Variants in RNF216 observed in about 807,000 individuals in gnomAD.
RNF216 encodes ring finger protein 216, also known as E3 ubiquitin-protein ligase RNF216.
RNF216 carries 72 observed loss-of-function variants against 110.8 expected under a neutral mutation model. The observed-to-expected ratio is 0.65, with a 90% confidence interval of 0.54 to 0.79. The LOEUF is 0.79. Ranked by LOEUF, RNF216 falls within the 30% of genes least tolerant of loss-of-function variation. RNF216 has a pLI of 0.00. For synonymous variants in RNF216, 495 were observed against 407.5 expected, an observed-to-expected ratio of 1.21 and a Z score of -2.59; for missense variants, 1,342 against 1,141.2, an observed-to-expected ratio of 1.18 and a Z score of -2.54.
chr7:5,642,217 G>T (rs6961803), intron 14 of RNF216, among the ~76,000 whole-genome samples: 2,584 of 141,006 alleles, frequency 0.018, 53 homozygotes, highest in African/African-American at 0.06. Context: ...GTTCTGTTTT[G>T]TTTTTTTTTT....
chr7:5,767,140 CTCT>C (rs1242835224), intron 1 of RNF216, among the ~76,000 whole-genome samples: 11 of 152,190 alleles, frequency 7.2e-5, no homozygotes, highest in Non-Finnish European at 1.2e-4. Context: ...AACCCTTTGC[CTCT>C]TCTTATAAAT....
chr7:5,645,703 G>C (rs1788009853), intron 14 of RNF216, among the ~76,000 whole-genome samples: 1 of 151,822 alleles, frequency 6.6e-6, no homozygotes, highest in South Asian at 2.1e-4. Context: ...TGATTCTCCT[G>C]CTTCAGCCTT....
At chr7:5,671,885 C>T (rs1453510584) in intron 13 of RNF216, among the ~76,000 whole-genome samples, 1 of 150,346 alleles carries the variant, frequency 6.7e-6, no homozygotes, top group Non-Finnish European at 1.5e-5. Context: ...GGACACAGCA[C>T]GAAGACAGTC....
At chr7:5,691,908 A>G (rs1028132278) in intron 13 of RNF216, among the ~76,000 whole-genome samples, 16 of 152,270 alleles carry the variant, frequency 1.1e-4, no homozygotes, top group Admixed American at 9.2e-4. Flanking sequence ...AGTCAAGACA[A>G]GTAATGAAAG....
intron 3 of RNF216, among the ~76,000 whole-genome samples, chr7:5,748,647 CACACACACACAT>C (rs1188633527): frequency 6.8e-4 from 99 of 144,894 alleles, no homozygotes; most frequent in African/African-American, 2.5e-3. Flanking sequence ...CACACACACA[CACACACACACAT>C]AATATACTAA....
At chr7:5,676,532 TCA>T (rs1221757936) in intron 13 of RNF216, among the ~76,000 whole-genome samples, 1 of 152,122 alleles carries the variant, frequency 6.6e-6, no homozygotes, top group African/African-American at 2.4e-5. Flanking sequence ...CTCTGCTTCC[TCA>T]CAGTCTCCCG....
intron 1 of RNF216, among the ~76,000 whole-genome samples, chr7:5,771,581 G>C (rs1796496499): frequency 6.6e-6 from 1 of 152,146 alleles, no homozygotes; most frequent in South Asian, 2.1e-4. Flanking sequence ...CAGATCACTT[G>C]AGCTCAGGAG....
rs150648973 is a variant in RNF216 at position 5,677,967 on chromosome 7, C to T, written c.2062-25457G>A. On this transcript the variant is annotated intron_variant, in intron 13 of 16. Coordinates refer to ENST00000389902, the MANE Select transcript of RNF216 (RefSeq NM_207111.4). ...CACACTCTTAACTGGAGCAGTAAGA[C>T]CACAGTGATCTTTCCAGGGGGTAAC... Among the ~76,000 whole-genome samples the T allele has an allele frequency of 7.0e-3, 1,067 of 152,258 alleles. 10 individuals are homozygous for T. The highest frequency in any genetic ancestry group is 0.014 in the Middle Eastern group (4 of 294).
At position 5,777,397 on chromosome 7, in the gene RNF216, C is replaced by T. The variant is rs182746923; in HGVS notation, c.-70+4144G>A. 2.0e-5 allele frequency: 3 copies of T among 152,344 alleles called. No individual in the cohort carries two copies. In the East Asian group the frequency reaches 5.8e-4, roughly 29 times the overall value. 9.4% of individuals were successfully genotyped at this position (152,344 alleles called of 1,614,324 possible). Reference sequence around the variant, plus strand: ...TAGCCAATGGGAAGCAATGCAATGACAGCTGTGCTTTAGAAAAATCAACCT... The same window carrying T: ...TAGCCAATGGGAAGCAATGCAATGATAGCTGTGCTTTAGAAAAATCAACCT... On this transcript the variant is annotated intron_variant, in intron 1 of 16. Transcript: ENST00000389902.
intron 2 of RNF216, among the ~76,000 whole-genome samples, chr7:5,759,148 C>A (rs1431803465): frequency 6.6e-6 from 1 of 152,084 alleles, no homozygotes; most frequent in African/African-American, 2.4e-5. Flanking sequence ...CTGCTCCAGC[C>A]ATGTGAGACA....
At chr7:5,661,774 G>A (rs1297338088) in intron 13 of RNF216, among the ~76,000 whole-genome samples, 1 of 152,174 alleles carries the variant, frequency 6.6e-6, no homozygotes, top group East Asian at 1.9e-4. Flanking sequence ...CTACACTCCA[G>A]CCTGGGCGAG....
chr7:5,745,078 C>T (rs544019653), intron 3 of RNF216, among the ~76,000 whole-genome samples: 30 of 152,130 alleles, frequency 2.0e-4, no homozygotes, highest in African/African-American at 7.0e-4. Context: ...CACAAACCTA[C>T]GGGCCAATCT....
At chr7:5,717,549 T>C (rs926136269) in intron 9 of RNF216, among the ~76,000 whole-genome samples, 2 of 152,118 alleles carry the variant, frequency 1.3e-5, no homozygotes, top group Non-Finnish European at 2.9e-5. Flanking sequence ...AAACAGGGAA[T>C]GATGTATGCA....
chr7:5,715,825 T>C (rs1793024317), intron 10 of RNF216, among the ~76,000 whole-genome samples: 1 of 145,378 alleles, frequency 6.9e-6, no homozygotes, highest in South Asian at 2.2e-4. Flanking sequence ...CACTGCAACC[T>C]CCACCTCCCA....
chr7:5,717,586 T>C (rs916371224), intron 9 of RNF216, among the ~76,000 whole-genome samples: 4 of 152,056 alleles, frequency 2.6e-5, no homozygotes, highest in Non-Finnish European at 5.9e-5. Flanking sequence ...CTATTTATAA[T>C]AGCAAAAACC....
intron 13 of RNF216, among the ~76,000 whole-genome samples, chr7:5,682,414 T>C (rs903715052): frequency 6.8e-6 from 1 of 146,920 alleles, no homozygotes; most frequent in African/African-American, 2.5e-5. Flanking sequence ...TTTTTTTTCT[T>C]TTTTTTTTTT....
chr7:5,750,035 G>A (rs1325616805), intron 3 of RNF216, among the ~76,000 whole-genome samples: 3 of 152,028 alleles, frequency 2.0e-5, no homozygotes, highest in African/African-American at 4.8e-5. Flanking sequence ...CTCCCAACAG[G>A]ATCCCTCCAG....
intron 1 of RNF216, among the ~76,000 whole-genome samples, chr7:5,779,685 C>T (rs957122238): frequency 6.8e-6 from 1 of 147,604 alleles, no homozygotes; most frequent in African/African-American, 2.5e-5. Flanking sequence ...AAAAGTTAGC[C>T]GAGCGTGGTG....
At chr7:5,658,604 C>G (rs563641637) in intron 13 of RNF216, among the ~76,000 whole-genome samples, 1 of 143,462 alleles carries the variant, frequency 7.0e-6, no homozygotes, top group Admixed American at 7.3e-5. Flanking sequence ...TTGCAGTGAG[C>G]TATGATCAAG....
Sources: allele counts gnomAD v4.1 joint callset (sites outside exome capture counted in the v4.1 genomes callset), GRCh38; gene constraint gnomAD v4.1.1; transcripts MANE v1.5; gene names NCBI Gene and HGNC (gene_info 2026-07-23, HGNC 2026-07-21).